GHR: variants seen among roughly 807,000 people sequenced by gnomAD.
The protein encoded by GHR is GH receptor.
A neutral mutation model predicts 67.1 loss-of-function variants in GHR; 35 were observed. The observed-to-expected ratio is 0.52, with a 90% confidence interval of 0.40 to 0.69. The LOEUF (loss-of-function observed/expected upper bound fraction) is 0.69, where lower values mean the gene tolerates loss of function less well. Ranked by LOEUF, GHR falls within the 30% of genes least tolerant of loss-of-function variation. GHR has a pLI of 0.00. For missense variants in GHR, 792 were observed against 764.6 expected, an observed-to-expected ratio of 1.04 and a Z score of -0.42; for synonymous variants, 272 against 269.1, an observed-to-expected ratio of 1.01 and a Z score of -0.10.
At chr5:42,522,176 A>C (rs1747505080) in intron 1 of GHR, among the ~76,000 whole-genome samples, 1 of 152,198 alleles carries the variant, frequency 6.6e-6, no homozygotes, top group South Asian at 2.1e-4. Context: ...TAATTTTAAA[A>C]AAGGCCATTT....
At chr5:42,664,857 A>C (rs372481753) in intron 3 of GHR, among the ~76,000 whole-genome samples, 22 of 152,256 alleles carry the variant, frequency 1.4e-4, no homozygotes, top group Admixed American at 3.9e-4. Context: ...TGACAAAGGG[A>C]TAATATCCAG....
chr5:42,580,106 A>G (rs1324984574), intron 2 of GHR, among the ~76,000 whole-genome samples: 1 of 152,202 alleles, frequency 6.6e-6, no homozygotes. Flanking sequence ...TAAAATCCAT[A>G]CTATGATTCA....
intron 4 of GHR, 134 bp from the exon 5 acceptor site, chr5:42,694,783 G>A (rs1453371683): frequency 2.7e-6 from 2 of 742,430 alleles, no homozygotes; most frequent in African/African-American, 3.4e-5. Flanking sequence ...TCTCGGAAAT[G>A]ATGTTACTAA....
intron 3 of GHR, among the ~76,000 whole-genome samples, chr5:42,646,850 C>G (rs1754756325): frequency 6.6e-6 from 1 of 152,160 alleles, no homozygotes; most frequent in South Asian, 2.1e-4. Flanking sequence ...TTGGGAATCA[C>G]TGTGGTACCA....
At chr5:42,714,551 A>G (rs542881379) in intron 8 of GHR, among the ~76,000 whole-genome samples, 6 of 152,218 alleles carry the variant, frequency 3.9e-5, no homozygotes, top group Non-Finnish European at 8.8e-5. Flanking sequence ...CTAGATTTCT[A>G]TAGTGTCAAG....
chr5:42,463,992 C>CAAAAA (rs70991406), intron 1 of GHR, among the ~76,000 whole-genome samples: 67 of 46,354 alleles, frequency 1.4e-3, no homozygotes, highest in East Asian at 3.2e-3. Flanking sequence ...GACTCCGTCT[C>CAAAAA]AAAAAAAAAA....
At chr5:42,674,470 C>T (rs1050914424) in intron 3 of GHR, among the ~76,000 whole-genome samples, 4 of 152,114 alleles carry the variant, frequency 2.6e-5, no homozygotes, top group Non-Finnish European at 5.9e-5. Context: ...TTCATTACTT[C>T]CTCATGGAAC....
chr5:42,628,967 T>C, intron 2 of GHR, 71 bp from the exon 3 acceptor site: 2 of 905,556 alleles, frequency 2.2e-6, no homozygotes, highest in South Asian at 2.8e-5. Flanking sequence ...ATTTTGTTTT[T>C]AGTTTACACA....
chr5:42,638,025 C>T (rs1000609200), intron 3 of GHR, among the ~76,000 whole-genome samples: 1 of 152,112 alleles, frequency 6.6e-6, no homozygotes, highest in Admixed American at 6.5e-5. Context: ...CTGCACTCTC[C>T]GCCTCCCAGG....
chr5:42,642,260 A>T (rs1192483590), intron 3 of GHR, among the ~76,000 whole-genome samples: 1 of 152,174 alleles, frequency 6.6e-6, no homozygotes, highest in Non-Finnish European at 1.5e-5. Flanking sequence ...TAAGATCCGT[A>T]CAATGAATTT....
chr5:42,648,062 A>G (rs1009066603), intron 3 of GHR, among the ~76,000 whole-genome samples: 1 of 152,200 alleles, frequency 6.6e-6, no homozygotes, highest in Non-Finnish European at 1.5e-5. Flanking sequence ...CAGCAACAAG[A>G]AACATAAAGA....
At chr5:42,466,124 G>A (rs1744723261) in intron 1 of GHR, 2 of 317,336 alleles carry the variant, frequency 6.3e-6, no homozygotes, top group Admixed American at 4.7e-5. Flanking sequence ...TTGGGAGCTT[G>A]AGTTGTGTGG....
intron 1 of GHR, among the ~76,000 whole-genome samples, chr5:42,534,303 T>G (rs928330045): frequency 2.1e-5 from 3 of 141,590 alleles, no homozygotes; most frequent in Non-Finnish European, 3.0e-5. Flanking sequence ...TGTATATGTG[T>G]ATATATGTAT....
chr5:42,500,362 T>C (rs2112228293), intron 1 of GHR, among the ~76,000 whole-genome samples: 1 of 152,382 alleles, frequency 6.6e-6, no homozygotes, highest in South Asian at 2.1e-4. Context: ...CCAGATCACC[T>C]GGGTTTAAAT....
intron 1 of GHR, among the ~76,000 whole-genome samples, chr5:42,445,299 G>C (rs1561307214): frequency 1.3e-5 from 2 of 152,144 alleles, no homozygotes; most frequent in Admixed American, 6.5e-5. Flanking sequence ...CAATGTTATT[G>C]CTAATGCACA....
intron 1 of GHR, among the ~76,000 whole-genome samples, chr5:42,530,763 A>G (rs1286250589): frequency 2.0e-5 from 3 of 152,150 alleles, no homozygotes; most frequent in Admixed American, 1.3e-4. Flanking sequence ...AAACTAAGGC[A>G]CTTATTCTCT....
At chr5:42,436,544 A>G (rs554657746) in intron 1 of GHR, among the ~76,000 whole-genome samples, 4 of 152,320 alleles carry the variant, frequency 2.6e-5, no homozygotes, top group South Asian at 2.1e-4. Context: ...ATTGACCACA[A>G]TGCTCTTCAG....
chr5:42,452,431 G>A, intron 1 of GHR, among the ~76,000 whole-genome samples: 1 of 151,956 alleles, frequency 6.6e-6, no homozygotes, highest in East Asian at 1.9e-4. Flanking sequence ...TCCTGTATTT[G>A]GATATCTAGG....
chr5:42,505,939 CT>C (rs1248465344), intron 1 of GHR, among the ~76,000 whole-genome samples: 84 of 152,240 alleles, frequency 5.5e-4, no homozygotes, highest in African/African-American at 1.9e-3. Context: ...AACAGAGGTT[CT>C]ACAATTTATC....
Sources: allele counts gnomAD v4.1 joint callset (sites outside exome capture counted in the v4.1 genomes callset), GRCh38; gene constraint gnomAD v4.1.1; transcripts MANE v1.5; gene names NCBI Gene and HGNC (gene_info 2026-07-23, HGNC 2026-07-21).